Variants in SLC7A7 observed in about 807,000 individuals in gnomAD.
SLC7A7 encodes the protein solute carrier family 7 member 7, also known as Y+L amino acid transporter 1.
In SLC7A7, 39 loss-of-function variants were observed where a neutral mutation model predicts 47.9. The observed-to-expected ratio is 0.81, with a 90% confidence interval of 0.63 to 1.06. The LOEUF (loss-of-function observed/expected upper bound fraction) is 1.06, where lower values mean the gene tolerates loss of function less well. Ranked by LOEUF, SLC7A7 falls within the 50% of genes least tolerant of loss-of-function variation. The pLI is 0.00. For missense variants in SLC7A7, 588 were observed against 632.0 expected (o/e 0.93, Z 0.75); for synonymous variants, 234 against 242.8 (o/e 0.96, Z 0.34).
rs759301639 is a variant in SLC7A7 at position 22,773,977 on chromosome 14, C to CTGA, written c.1382_1384dup (p.Ile461dup). On this transcript the variant is annotated inframe_insertion, in exon 9 of 10. Transcript: ENST00000674313. ...AAGCGGTCGCTTATGTTCTGGCACT[C>CTGA]TGATGATGAGGAAGTAAAAGGGCAG... The CTGA allele has an allele frequency of 1.2e-6, 2 of 1,614,140 alleles. No individual in the cohort carries two copies. Among genetic ancestry groups the CTGA allele is most frequent in the Non-Finnish European group, 1.7e-6 (2 of 1,180,032 alleles).
chr14:22,779,914 A>G lies in SLC7A7; in HGVS notation c.625+12T>C, dbSNP rs1432512735. 2.5e-6 allele frequency: 4 copies of G among 1,613,618 alleles called. No individual in the cohort carries two copies. The African/African-American group carries it at 5.3e-5, about 22-fold the overall frequency. ...TTAAAAAAGATTAGTTGCTACTAAT[A>G]TTATTTCTTACCCTGGCCAAGTCTA... On this transcript the variant is annotated intron_variant, in intron 3 of 9. Transcript: ENST00000674313.
chr14:22,780,500 T>C, intron 2 of SLC7A7: 1 of 182,582 alleles, frequency 5.5e-6, no homozygotes. Context: ...CTGCTGTGAC[T>C]TATCCAATGC....
chr14:22,797,234 T>C (rs4982673), intron 2 of SLC7A7, among the ~76,000 whole-genome samples: 29,640 of 152,044 alleles, frequency 0.19, 3,194 homozygotes, highest in East Asian at 0.39. Context: ...CCTGTGGTAA[T>C]GGAGATGCCT....
rs45467196 is a variant in SLC7A7, at chr14:22,775,729, G to A, written c.998+104C>T. 15,378 of 957,424 alleles carry A rather than the reference G, an allele frequency of 0.016. 152 individuals are homozygous for A. Among genetic ancestry groups the A allele is most frequent in the Non-Finnish European group, 0.022 (12,693 of 582,564 alleles). 59.3% of individuals were successfully genotyped at this position (957,424 alleles called of 1,614,324 possible). On this transcript the variant is annotated intron_variant, in intron 6 of 9. Transcript: ENST00000674313. ...CTAGAAACAAGAAGAAAGAGGTTGT[G>A]GTATCGGTTGGAGAACACAAGTAAT...
intron 2 of SLC7A7, among the ~76,000 whole-genome samples, chr14:22,793,207 A>C (rs12888484): frequency 0.87 from 131,479 of 151,818 alleles, 57,848 homozygotes; most frequent in East Asian, 0.98. Context: ...GTAAACCACC[A>C]CGCCCAGCCA....
chr14:22,783,694 G>C (rs980469386), intron 2 of SLC7A7, among the ~76,000 whole-genome samples: 2 of 151,716 alleles, frequency 1.3e-5, no homozygotes, highest in African/African-American at 4.8e-5. Flanking sequence ...AGTCACCGGC[G>C]TGGCGTGCCC....
intron 4 of SLC7A7, among the ~76,000 whole-genome samples, chr14:22,777,432 TCTGCCCACCC>T (rs1213092347): frequency 6.6e-6 from 1 of 152,166 alleles, no homozygotes; most frequent in Non-Finnish European, 1.5e-5. Flanking sequence ...GGAAGATATG[TCTGCCCACCC>T]CTTCCTCAGT....
chr14:22,805,487 A>C (rs1249103129), intron 2 of SLC7A7, among the ~76,000 whole-genome samples: 5 of 152,238 alleles, frequency 3.3e-5, no homozygotes, highest in Non-Finnish European at 7.3e-5. Context: ...ACTGGAAGCC[A>C]TTATCCTCAG....
intron 2 of SLC7A7, among the ~76,000 whole-genome samples, chr14:22,781,021 A>G (rs1000849655): frequency 4.2e-5 from 6 of 141,828 alleles, no homozygotes; most frequent in African/African-American, 6.2e-5. Flanking sequence ...AGAAAGTTGG[A>G]AAAAAAAATA....
intron 2 of SLC7A7, among the ~76,000 whole-genome samples, chr14:22,787,581 T>A (rs61974194): frequency 1.5e-3 from 219 of 146,992 alleles, no homozygotes; most frequent in Non-Finnish European, 2.4e-3. Context: ...CAAAACCCCA[T>A]CTCTACTAAA....
chr14:22,774,042 A>G lies in SLC7A7; in HGVS notation c.1320T>C (p.Thr440=), dbSNP rs2139383353. 2 of 1,614,208 alleles carry G rather than the reference A, an allele frequency of 1.2e-6. No individual in the cohort carries two copies. The highest frequency in any genetic ancestry group is 1.7e-6 in the Non-Finnish European group (2 of 1,180,036). ...TGGCAATGCCGATGAGGGAGTTGAT[A>G]GTATCACTGTAAAGTGGAACAGCCA... ...FLVAVPLYSD[T]INSLIGIAIA... is the part of the protein sequence containing the mutation. Residue 440 remains threonine (T), a synonymous_variant, in exon 9 of 10, where the codon ACT becomes ACC. Transcript: ENST00000674313.
intron 2 of SLC7A7, among the ~76,000 whole-genome samples, chr14:22,804,484 C>A (rs976360047): frequency 3.9e-5 from 6 of 151,932 alleles, no homozygotes; most frequent in Non-Finnish European, 7.4e-5. Flanking sequence ...GTCTAATAAC[C>A]AGAGTCTACA....
upstream of SLC7A7, chr14:22,815,692 C>G (rs113501280): frequency 1.1e-5 from 5 of 454,016 alleles, no homozygotes; most frequent in African/African-American, 2.0e-5. Context: ...GGACAGTCAG[C>G]TGAGTGCAGT....
intron 2 of SLC7A7, among the ~76,000 whole-genome samples, chr14:22,783,740 T>G (rs1405842266): frequency 6.6e-6 from 1 of 152,014 alleles, no homozygotes; most frequent in South Asian, 2.1e-4. Context: ...TCCATTTGTA[T>G]CCCTCTCTTT....
rs541319698 is a variant in SLC7A7, at chr14:22,777,205, C to A, written c.771-887G>T. ...GATTAACAAAGACTGTCCCCAGCAT[C>A]ATAACGCACAGGAAAATGGGAGGTT... On this transcript the variant is annotated intron_variant, in intron 4 of 9. Transcript: ENST00000674313. Among the ~76,000 whole-genome samples, 6 of 148,374 alleles carry A rather than the reference C, an allele frequency of 4.0e-5. No homozygotes were observed. The East Asian group carries it at 1.2e-3, about 30-fold the overall frequency.
intron 2 of SLC7A7, among the ~76,000 whole-genome samples, chr14:22,785,334 G>A (rs889419707): frequency 8.5e-5 from 13 of 152,128 alleles, no homozygotes; most frequent in African/African-American, 3.1e-4. Context: ...AGCCAACAGC[G>A]TCTTCCTCCC....
At position 22,773,302 on chromosome 14, in the gene SLC7A7, T is replaced by C. The variant is rs1566437815; in HGVS notation, c.*308A>G. ...CTAAAGGAGACAGGAAATTGGAGCA[T>C]TGTGGGCCCTTTTAAAAGAAAAGAG... On this transcript the variant is annotated 3_prime_UTR_variant, in exon 10 of 10. Coordinates refer to ENST00000674313, the MANE Select transcript of SLC7A7 (RefSeq NM_003982.4). 2 of 498,262 alleles carry C rather than the reference T, an allele frequency of 4.0e-6. No individual in the cohort carries two copies. Among genetic ancestry groups the C allele is most frequent in the East Asian group, 5.7e-5 (1 of 17,626 alleles). The allele number at this position is 498,262 out of a possible 1,614,324, so 30.9% of individuals were successfully genotyped here.
intron 2 of SLC7A7, among the ~76,000 whole-genome samples, chr14:22,787,795 C>T (rs575688514): frequency 2.7e-4 from 38 of 143,186 alleles, no homozygotes; most frequent in African/African-American, 8.7e-4. Context: ...AATGTTAGGC[C>T]GGGCACGGTG....
intron 2 of SLC7A7, among the ~76,000 whole-genome samples, chr14:22,797,732 T>C (rs2039043347): frequency 6.6e-6 from 1 of 152,042 alleles, no homozygotes; most frequent in Non-Finnish European, 1.5e-5. Flanking sequence ...AAATCAGCAA[T>C]GAATGAAGTC....
Sources: allele counts gnomAD v4.1 joint callset (sites outside exome capture counted in the v4.1 genomes callset), GRCh38; gene constraint gnomAD v4.1.1; transcripts MANE v1.5; gene names NCBI Gene and HGNC (gene_info 2026-07-23, HGNC 2026-07-21).